The following GPR142 variants were observed in gnomAD, a reference collection of about 807,000 sequenced individuals.
The protein encoded by GPR142 is G protein-coupled receptor 142.
A neutral mutation model predicts 10.6 loss-of-function variants in GPR142; 9 were observed. The observed-to-expected ratio is 0.85, with a 90% CI of 0.51 to 1.48. The LOEUF (loss-of-function observed/expected upper bound fraction) is 1.48. Ranked by LOEUF, GPR142 falls within the 40% of genes most tolerant of loss-of-function variation. The pLI is 0.00. For synonymous variants in GPR142, 202 were observed against 221.2 expected, an observed-to-expected ratio of 0.91 and a Z score of 0.77; for missense variants, 482 against 506.0, an observed-to-expected ratio of 0.95 and a Z score of 0.45.
intron 3 of GPR142, 117 bp downstream of exon 3, chr17:74,370,796 C>A (rs2055018402): frequency 3.1e-6 from 3 of 976,944 alleles, no homozygotes; most frequent in Non-Finnish European, 4.5e-6. Flanking sequence ...GACCCCTGGT[C>A]TTTCCTTGCC....
At chr17:74,371,038 G>C (rs548487963) in intron 3 of GPR142, among the ~76,000 whole-genome samples, 138 of 152,272 alleles carry the variant, frequency 9.1e-4, no homozygotes, top group South Asian at 5.8e-3. Context: ...GGGTGGTCTC[G>C]GCCCTGGGGA....
At position 74,370,070 on chromosome 17, in the gene GPR142, G is replaced by A. The variant is rs372627519; in HGVS notation, c.94+436G>A. Among the ~76,000 whole-genome samples, 4 of 152,328 alleles carry A rather than the reference G, an allele frequency of 2.6e-5. No homozygotes were observed. The East Asian group carries it at 7.7e-4, about 29-fold the overall frequency. On this transcript the variant is annotated intron_variant, in intron 2 of 3. Transcript: ENST00000582579. ...GTGGACCTCCTAGAGAGGTCCCTGT[G>A]TGTGGCTGGCATCACCCGGGTCGGA...
At chr17:74,370,350 G>T (rs62063610) in intron 2 of GPR142, among the ~76,000 whole-genome samples, 171 bp from the exon 3 acceptor site, 29,806 of 152,046 alleles carry the variant, frequency 0.2, 3,652 homozygotes, top group Non-Finnish European at 0.28. Context: ...TGGGGGTGAG[G>T]GTGGTCTTGG....
At chr17:74,367,929 AC>A in intron 1 of GPR142, 135 bp downstream of exon 1, 1 of 819,070 alleles carries the variant, frequency 1.2e-6, no homozygotes, top group Non-Finnish European at 1.9e-6. Flanking sequence ...CTTGGTTGAA[AC>A]CCTTGTGTTC....
Position 74,372,338 on chromosome 17 carries a change from T to C in GPR142, c.863T>C (p.Val288Ala). 6.2e-7 allele frequency: 1 copy of C among 1,614,012 alleles called. No individual in the cohort carries two copies. Among genetic ancestry groups the C allele is most frequent in the South Asian group, 1.1e-5 (1 of 91,078 alleles). ...CTCCTGTGGGCGCCCCGGGTCTTCG[T>C]CATGCTCTACCACATGTACGTGGCC... ...FTLLWAPRVF[V>A]MLYHMYVAPV... Residue 288 changes from valine (V) to alanine (A), a missense_variant, in exon 4 of 4, where the codon GTC (valine) becomes GCC (alanine). Physicochemically the swap from Val to Ala is moderately conservative, Grantham distance 64. Coordinates refer to ENST00000582579, the MANE Select transcript of GPR142 (RefSeq NM_001331076.1).
intron 1 of GPR142, among the ~76,000 whole-genome samples, chr17:74,368,741 C>T (rs1293818777): frequency 6.6e-6 from 1 of 152,144 alleles, no homozygotes; most frequent in African/African-American, 2.4e-5. Context: ...ACACCAGCAA[C>T]GGCTGTTGTT....
In GPR142 at chr17:74,372,227, G is replaced by C. The variant is rs749469302; in HGVS notation, c.752G>C (p.Arg251Pro). Residue 251 changes from arginine to proline, a missense_variant, in exon 4 of 4, where the codon CGG becomes CCG. Coordinates refer to ENST00000582579, the MANE Select transcript of GPR142 (RefSeq NM_001331076.1). ...FLVTNSAIIH[R>P]LRRRGRSGLQ... The stretch of plus-strand genomic sequence containing the variant: ...GTCACCAACTCGGCCATCATCCACC[G>C]GCTACGGAGGAGGGGCCGGAGTGGG... The C allele has an allele frequency of 6.2e-7, 1 of 1,613,802 alleles. No homozygotes were observed. The highest frequency in any genetic ancestry group is 8.5e-7 in the Non-Finnish European group (1 of 1,179,782).
rs1484748235 is a variant in GPR142, at chr17:74,371,836, GTCA to G, written c.364_366del (p.Ile122del). On this transcript the variant is annotated inframe_deletion, in exon 4 of 4. Transcript: ENST00000582579. ...AGCCTCGGATATCATCATCCAGGTG[GTCA>G]TCGTGTTCGCGGGCTTCCTCCTGCA... The G allele has an allele frequency of 6.2e-7, 1 of 1,613,740 alleles. No individual in the cohort carries two copies. The highest frequency in any genetic ancestry group is 8.5e-7 in the Non-Finnish European group (1 of 1,180,026).
chr17:74,372,213 G>A lies in GPR142; in HGVS notation c.738G>A (p.Ser246=), dbSNP rs780004429. Residue 246 remains serine (S), a synonymous_variant, in exon 4 of 4, where the codon TCG becomes TCA. Transcript: ENST00000582579. ...GTGGCGTGTTCCTGGTCACCAACTC[G>A]GCCATCATCCACCGGCTACGGAGGA... is the stretch of plus-strand genomic sequence containing the variant. The part of the protein sequence containing the change: ...IPCGVFLVTN[S]AIIHRLRRRG... 6.2e-6 allele frequency: 10 copies of A among 1,613,908 alleles called. No individual in the cohort carries two copies. Among genetic ancestry groups the A allele is most frequent in the African/African-American group, 4.0e-5 (3 of 74,916 alleles).
intron 3 of GPR142, among the ~76,000 whole-genome samples, chr17:74,371,302 ATGCACCAC>A (rs1474508304): frequency 6.6e-6 from 1 of 152,008 alleles, no homozygotes; most frequent in Non-Finnish European, 1.5e-5. Flanking sequence ...GATTACAGGC[ATGCACCAC>A]CGTGCCTGGC....
intron 2 of GPR142, among the ~76,000 whole-genome samples, chr17:74,370,190 G>A (rs1249389638): frequency 1.3e-5 from 1 of 77,448 alleles, no homozygotes; most frequent in Non-Finnish European, 2.9e-5. Context: ...CTCGACAAGT[G>A]CCCCCTGTTT....
chr17:74,368,630 A>G (rs528610706), intron 1 of GPR142, among the ~76,000 whole-genome samples: 1 of 152,256 alleles, frequency 6.6e-6, no homozygotes, highest in South Asian at 2.1e-4. Context: ...TCTCCTCCCG[A>G]GACCGTCCAC....
In GPR142 at chr17:74,370,655, G is replaced by A; in HGVS notation, c.229G>A (p.Val77Ile). The change falls in exon 3 of 4, where the codon GTC becomes ATC. Residue 77 changes from valine to isoleucine, a missense_variant. Val to Ile is a conservative substitution (Grantham distance 29, BLOSUM62 3). Coordinates refer to ENST00000582579, the MANE Select transcript of GPR142 (RefSeq NM_001331076.1). ...CGTCATCCCTGTCATCTACTACAGTGTCCTGCTGGGCTTGGGGCTGCCTGG... is the reference window on the plus strand; with the variant it reads ...CGTCATCCCTGTCATCTACTACAGTATCCTGCTGGGCTTGGGGCTGCCTGG... ...AGVIPVIYYSVLLGLGLPVSL... is the reference protein window; with the variant it reads ...AGVIPVIYYSILLGLGLPVSL... The A allele has an allele frequency of 6.2e-7, 1 of 1,613,644 alleles. No homozygotes were observed. The highest frequency in any genetic ancestry group is 2.2e-5 in the East Asian group (1 of 44,854).
chr17:74,371,028 G>A lies in GPR142; in HGVS notation c.253+349G>A, dbSNP rs754198179. Among the ~76,000 whole-genome samples the A allele has an allele frequency of 4.9e-4, 74 of 152,310 alleles. 2 individuals are homozygous for A. Among genetic ancestry groups the A allele is most frequent in the Admixed American group, 3.7e-3 (56 of 15,300 alleles). ...GTGGGTGTGTGGATATGGGAAGGACGGGTGGTCTCGGCCCTGGGGATTTCC... is the reference window on the plus strand; with the variant it reads ...GTGGGTGTGTGGATATGGGAAGGACAGGTGGTCTCGGCCCTGGGGATTTCC... On this transcript the variant is annotated intron_variant, in intron 3 of 3. Coordinates refer to ENST00000582579, the MANE Select transcript of GPR142 (RefSeq NM_001331076.1).
chr17:74,367,850 C>G (rs1163543325), intron 1 of GPR142, 56 bp downstream of exon 1: 3 of 1,450,886 alleles, frequency 2.1e-6, no homozygotes, highest in East Asian at 2.4e-5. Context: ...CAGTCCCCCT[C>G]CTCCATCTCT....
chr17:74,370,434 A>T, intron 2 of GPR142, 87 bp from the exon 3 acceptor site: 1 of 1,411,344 alleles, frequency 7.1e-7, no homozygotes, highest in Non-Finnish European at 9.6e-7. Context: ...CAGGGTGACT[A>T]GAAAGACCCC....
At position 74,371,142 on chromosome 17, in the gene GPR142, T is replaced by C. The variant is rs908050969; in HGVS notation, c.253+463T>C. On this transcript the variant is annotated intron_variant, in intron 3 of 3. Transcript: ENST00000582579. Reference sequence around the variant, plus strand: ...AACCTAAAAAGGACTTGGAGGACAATGCCATAGGACAGGTAGCTTTTTTTT... The same window carrying C: ...AACCTAAAAAGGACTTGGAGGACAACGCCATAGGACAGGTAGCTTTTTTTT... Among the ~76,000 whole-genome samples the C allele has an allele frequency of 3.4e-5, 5 of 145,946 alleles. No homozygotes were observed. In the East Asian group the frequency reaches 6.2e-4, roughly 18 times the overall value.
chr17:74,367,545 T>G lies in GPR142; in HGVS notation c.-323T>G. On this transcript the variant is annotated 5_prime_UTR_variant, in exon 1 of 4. Coordinates refer to ENST00000582579, the MANE Select transcript of GPR142 (RefSeq NM_001331076.1). ...GTTGCCCATGGAGCAAAAGATCCAG[T>G]GGGTCCCCACTTCCCTGCAGGACAT... 4 of 1,614,146 alleles carry G rather than the reference T, an allele frequency of 2.5e-6. No individual in the cohort carries two copies. Among genetic ancestry groups the G allele is most frequent in the Non-Finnish European group, 3.4e-6 (4 of 1,180,008 alleles).
At chr17:74,371,708 C>T (rs2055026541) in intron 3 of GPR142, 21 bp from the exon 4 acceptor site, 2 of 1,580,172 alleles carry the variant, frequency 1.3e-6, no homozygotes, top group Non-Finnish European at 1.7e-6. Context: ...CTCTCCCCTC[C>T]CTCACCTCGG....
Sources: gnomAD v4.1 joint callset for allele counts (sites outside exome capture counted in the v4.1 genomes callset) on GRCh38, gnomAD v4.1.1 for gene constraint, MANE v1.5 for transcripts, NCBI Gene and HGNC (gene_info 2026-07-23, HGNC 2026-07-21) for gene names.